The following UCHL3 variants were observed in gnomAD, a reference collection of about 807,000 sequenced individuals.
The protein encoded by UCHL3 is ubiquitin C-terminal hydrolase L3, also known as ubiquitin carboxyl-terminal hydrolase isozyme L3.
Under a neutral mutation model 35.8 loss-of-function variants are expected in UCHL3, and 22 were observed. The ratio of observed to expected loss-of-function variants is 0.61; its 90% CI spans 0.44 to 0.88. UCHL3 has a LOEUF of 0.88. Among genes scored for constraint, UCHL3 ranks in the 40% least tolerant of loss-of-function variants. The probability of loss-of-function intolerance (pLI) is 0.00; values close to 1 mark genes in which losing one functional copy is unlikely to be tolerated. For synonymous variants in UCHL3, 90 were observed against 92.8 expected, an observed-to-expected ratio of 0.97 and a Z score of 0.17; for missense variants, 229 against 276.9, an observed-to-expected ratio of 0.83 and a Z score of 1.23.
rs2032928709 is a variant in UCHL3 at position 75,605,789 on chromosome 13, G to A, written c.670G>A (p.Ala224Thr). The change falls in exon 9 of 9, where the codon GCG becomes ACG. Residue 224 changes from alanine to threonine, a missense_variant. Ala to Thr is a moderately conservative substitution (Grantham distance 58). Transcript: ENST00000377595. ...CGACCCTGATGAACTAAGATTTAATGCGATTGCTCTTTCTGCAGCATAGCT... is the reference window on the plus strand; with the variant it reads ...CGACCCTGATGAACTAAGATTTAATACGATTGCTCTTTCTGCAGCATAGCT... ...ERDPDELRFNAIALSAA is the reference protein window; with the variant it reads ...ERDPDELRFNTIALSAA The A allele has an allele frequency of 1.9e-6, 3 of 1,613,870 alleles. No individual in the cohort carries two copies. Among genetic ancestry groups the A allele is most frequent in the African/African-American group, 1.3e-5 (1 of 74,960 alleles).
In UCHL3 at chr13:75,567,507, A is replaced by G. The variant is rs972299677; in HGVS notation, c.426+195A>G. On this transcript the variant is annotated intron_variant, in intron 5 of 8. Transcript: ENST00000377595. ...GCTGATAAGTTGCCATTTCTTTTCT[A>G]TGTTCAGAGCTGACTGAATGGATAA... 2.0e-5 allele frequency among the ~76,000 whole-genome samples: 3 copies of G among 152,074 alleles called. No individual in the cohort carries two copies. The East Asian group carries it at 5.8e-4, about 29-fold the overall frequency.
intron 6 of UCHL3, chr13:75,590,082 C>A (rs932573540): frequency 1.5e-6 from 2 of 1,304,238 alleles, no homozygotes; most frequent in East Asian, 5.5e-5. Flanking sequence ...CCGTCTTCGT[C>A]GCTGGCGACC....
chr13:75,566,786 G>A lies in UCHL3; in HGVS notation c.275G>A (p.Ser92Asn), dbSNP rs2031697913. 1 of 1,611,108 alleles carries A rather than the reference G, an allele frequency of 6.2e-7. No individual in the cohort carries two copies. Among genetic ancestry groups the A allele is most frequent in the Non-Finnish European group, 8.5e-7 (1 of 1,179,076 alleles). ...GTATATTTCATGAAGCAAACAATCA[G>A]CAATGCCTGTGGAACAATTGGACTG... ...SSVYFMKQTI[S>N]NACGTIGLIH... The change falls in exon 4 of 9, where the codon AGC becomes AAC. Residue 92 changes from serine to asparagine, a missense_variant. By Grantham distance (46) the Ser-to-Asn change is conservative (BLOSUM62 1). Transcript: ENST00000377595.
chr13:75,601,169 A>T (rs1218935711), intron 7 of UCHL3, among the ~76,000 whole-genome samples: 4 of 152,216 alleles, frequency 2.6e-5, no homozygotes, highest in African/African-American at 9.6e-5. Context: ...ATTTCTTGAG[A>T]TGGAATCTAC....
At chr13:75,580,331 T>TA (rs1566221021) in intron 6 of UCHL3, among the ~76,000 whole-genome samples, 2 of 152,202 alleles carry the variant, frequency 1.3e-5, no homozygotes, top group African/African-American at 4.8e-5. Flanking sequence ...TGAAATTTAC[T>TA]AAAAAATCTA....
At chr13:75,551,402 G>A (rs2031102221) in intron 2 of UCHL3, among the ~76,000 whole-genome samples, 1 of 149,416 alleles carries the variant, frequency 6.7e-6, no homozygotes, top group South Asian at 2.1e-4. Context: ...CTGCACTCCA[G>A]CCTGGATGAC....
intron 6 of UCHL3, among the ~76,000 whole-genome samples, chr13:75,575,529 G>A (rs1241598079): frequency 6.6e-6 from 1 of 152,122 alleles, no homozygotes; most frequent in Non-Finnish European, 1.5e-5. Context: ...AGTTTGATAT[G>A]TGTCATTTAA....
chr13:75,588,872 T>C, intron 6 of UCHL3, among the ~76,000 whole-genome samples: 1 of 152,202 alleles, frequency 6.6e-6, no homozygotes, highest in East Asian at 1.9e-4. Flanking sequence ...TTTTTTATTT[T>C]ATATACTGGT....
intron 6 of UCHL3, among the ~76,000 whole-genome samples, chr13:75,591,783 A>G (rs2032483180): frequency 6.6e-6 from 1 of 152,142 alleles, no homozygotes; most frequent in South Asian, 2.1e-4. Context: ...TAATTATATT[A>G]CGTACCTTAT....
intron 2 of UCHL3, among the ~76,000 whole-genome samples, chr13:75,555,710 AAACC>A (rs2031273898): frequency 6.6e-6 from 1 of 152,152 alleles, no homozygotes; most frequent in Non-Finnish European, 1.5e-5. Context: ...ATTCTCATTG[AAACC>A]ATAGAGTAAA....
chr13:75,573,688 G>A (rs1022996560), intron 6 of UCHL3, among the ~76,000 whole-genome samples: 1 of 152,180 alleles, frequency 6.6e-6, no homozygotes, highest in African/African-American at 2.4e-5. Context: ...TACCAGTCCT[G>A]TTGGATTAGT....
intron 6 of UCHL3, among the ~76,000 whole-genome samples, chr13:75,588,090 C>CTTTTTCAT (rs2032376479): frequency 6.6e-6 from 1 of 152,016 alleles, no homozygotes; most frequent in Non-Finnish European, 1.5e-5. Context: ...AAGTAAGAGG[C>CTTTTTCAT]TAACTGATTA....
intron 7 of UCHL3, among the ~76,000 whole-genome samples, chr13:75,595,704 G>C (rs1454132689): frequency 7.1e-6 from 1 of 141,448 alleles, no homozygotes; most frequent in Non-Finnish European, 1.5e-5. Context: ...ATTTTTTAAA[G>C]ACTTTACAGG....
At chr13:75,598,915 C>A (rs896985574) in intron 7 of UCHL3, among the ~76,000 whole-genome samples, 60 of 152,322 alleles carry the variant, frequency 3.9e-4, no homozygotes, top group Non-Finnish European at 6.8e-4. Flanking sequence ...CTTTTCCTCT[C>A]ATTTATTCAT....
rs1427974559 is a variant in UCHL3, at chr13:75,594,763, T to C, written c.475-152T>C. On this transcript the variant is annotated intron_variant, in intron 6 of 8. Coordinates refer to ENST00000377595, the MANE Select transcript of UCHL3 (RefSeq NM_006002.5). ...TTGTCACAAACACAGGCATGGTCAC[T>C]CTTTGTCCATTATACCAAACATTAA... is the stretch of plus-strand genomic sequence containing the variant. The C allele has an allele frequency of 3.1e-5, 20 of 638,924 alleles. No homozygotes were observed. The East Asian group carries it at 5.6e-4, about 18-fold the overall frequency. 39.6% of individuals were successfully genotyped at this position (638,924 alleles called of 1,614,324 possible).
At chr13:75,566,603 A>AT (rs1441169508) in intron 3 of UCHL3, 92 bp from the exon 4 acceptor site, 15 of 775,960 alleles carry the variant, frequency 1.9e-5, no homozygotes, top group Admixed American at 7.8e-5. Context: ...TCATAATAAT[A>AT]TTTTTTATCA....
At chr13:75,585,472 TGA>T (rs2032297698) in intron 6 of UCHL3, among the ~76,000 whole-genome samples, 1 of 152,032 alleles carries the variant, frequency 6.6e-6, no homozygotes, top group Non-Finnish European at 1.5e-5. Context: ...AGACAAAAAC[TGA>T]GAGAGCTCAT....
At chr13:75,602,125 AAAAC>A (rs1294705562) in intron 7 of UCHL3, among the ~76,000 whole-genome samples, 4 of 151,870 alleles carry the variant, frequency 2.6e-5, no homozygotes, top group African/African-American at 9.7e-5. Context: ...AACAAAAACA[AAAAC>A]AAAACAAAAA....
chr13:75,551,611 T>C (rs549219868), intron 2 of UCHL3, among the ~76,000 whole-genome samples: 14 of 152,270 alleles, frequency 9.2e-5, no homozygotes, highest in African/African-American at 3.4e-4. Context: ...AAGTAACATA[T>C]GACCAAGAGC....
Sources: allele counts gnomAD v4.1 joint callset (sites outside exome capture counted in the v4.1 genomes callset), GRCh38; gene constraint gnomAD v4.1.1; transcripts MANE v1.5; gene names NCBI Gene and HGNC (gene_info 2026-07-23, HGNC 2026-07-21).